OTOG: variants seen among roughly 807,000 people sequenced by gnomAD.
The protein encoded by OTOG is otogelin.
A neutral mutation model predicts 313.8 loss-of-function variants in OTOG; 296 were observed. The ratio of observed to expected loss-of-function variants is 0.94; its 90% CI spans 0.86 to 1.04. The LOEUF is 1.04. Among genes scored for constraint, OTOG ranks in the 50% least tolerant of loss-of-function variants. The pLI, the probability that OTOG is intolerant of heterozygous loss-of-function variation, is 0.00. For missense variants in OTOG, 3,948 were observed against 3,840.1 expected, an observed-to-expected ratio of 1.03 and a Z score of -0.74; for synonymous variants, 1,533 against 1,554.9, an observed-to-expected ratio of 0.99 and a Z score of 0.33.
Position 17,635,178 on chromosome 11 carries a change from T to C in OTOG, c.7684T>C (p.Tyr2562His). The part of the protein sequence containing the change: ...GRLGDSCCTS[Y>H]FCACGDCPDS... ...CCTGGGGGACTCCTGCTGCACCTCC[T>C]ACTTCTGCGGTGGGTCGCCGCCACC... The change falls in exon 46 of 56, where the codon TAC (tyrosine) becomes CAC (histidine). Residue 2562 changes from tyrosine to histidine, a missense_variant. Coordinates refer to ENST00000399397, the MANE Select transcript of OTOG (RefSeq NM_001292063.2). 6.5e-7 allele frequency: 1 copy of C among 1,544,364 alleles called. No homozygotes were observed. The highest frequency in any genetic ancestry group is 8.7e-7 in the Non-Finnish European group (1 of 1,146,398).
chr11:17,642,033 C>G lies in OTOG; in HGVS notation c.8295+82C>G, dbSNP rs1160243691. 7.2e-6 allele frequency: 11 copies of G among 1,523,688 alleles called. No homozygotes were observed. In the East Asian group the frequency reaches 2.7e-4, roughly 38 times the overall value. The allele number at this position is 1,523,688 out of a possible 1,614,324, so 94.4% of individuals were successfully genotyped here. ...CTAGGGCCCTCTCTGGCTTGCAGGC[C>G]AGGGCTGGGTACAAACAGGCTCCCA... On this transcript the variant is annotated intron_variant, in intron 52 of 55. Coordinates refer to ENST00000399397, the MANE Select transcript of OTOG (RefSeq NM_001292063.2).
intron 53 of OTOG, among the ~76,000 whole-genome samples, chr11:17,642,712 G>A (rs1039451980): frequency 3.3e-5 from 5 of 152,144 alleles, no homozygotes; most frequent in Admixed American, 2.0e-4. Flanking sequence ...CAGTATGGGC[G>A]CACCTCAGAG....
At position 17,613,718 on chromosome 11, in the gene OTOG, G is replaced by T. The variant is rs1478990075; in HGVS notation, c.6528+17G>T. The T allele has an allele frequency of 2.5e-5, 39 of 1,547,944 alleles. No individual in the cohort carries two copies. The highest frequency in any genetic ancestry group is 3.0e-5 in the Non-Finnish European group (34 of 1,144,722). On this transcript the variant is annotated intron_variant, in intron 39 of 55. Coordinates refer to ENST00000399397, the MANE Select transcript of OTOG (RefSeq NM_001292063.2). ...AACCGAAAGGTGAGTGCATCAAACA[G>T]CCAGCCTCCAGGGCAGGGCCACAGT...
intron 24 of OTOG, among the ~76,000 whole-genome samples, chr11:17,588,535 A>G (rs1049612828): frequency 2.6e-5 from 4 of 152,158 alleles, no homozygotes; most frequent in Admixed American, 1.3e-4. Flanking sequence ...GGATGGATAC[A>G]TAGGCTTAGG....
chr11:17,610,130 C>A lies in OTOG; in HGVS notation c.4830C>A (p.Ala1610=), dbSNP rs866278570. 3.9e-6 allele frequency: 6 copies of A among 1,550,500 alleles called. No homozygotes were observed. The highest frequency in any genetic ancestry group is 5.2e-6 in the Non-Finnish European group (6 of 1,146,976). The change falls in exon 36 of 56, where the codon GCC becomes GCA. Residue 1610 remains alanine, a synonymous_variant. Transcript: ENST00000399397. The part of the protein sequence containing the change: ...NITVSSRSPP[A]PRFPLMTKAV... ...CAGTCTCCTCCCGGTCGCCCCCTGC[C>A]CCTCGCTTCCCGCTCATGACCAAGG...
chr11:17,612,360 C>A (rs765071324), intron 37 of OTOG, 30 bp downstream of exon 37: 16 of 1,503,218 alleles, frequency 1.1e-5, no homozygotes, highest in South Asian at 2.6e-5. Flanking sequence ...GAGCCTCCTG[C>A]ATCCTCCCTG....
chr11:17,608,689 C>T (rs1853451222), intron 34 of OTOG, among the ~76,000 whole-genome samples: 1 of 152,082 alleles, frequency 6.6e-6, no homozygotes, highest in Admixed American at 6.6e-5. Flanking sequence ...GTGTTGTGTG[C>T]AGCTGTGTGC....
At position 17,634,995 on chromosome 11, in the gene OTOG, G is replaced by A. The variant is rs748788058; in HGVS notation, c.7585+47G>A. 194 of 1,534,194 alleles carry A rather than the reference G, an allele frequency of 1.3e-4. No homozygotes were observed. In the Middle Eastern group the frequency reaches 2.4e-3, roughly 19 times the overall value. ...GGGTGGGGGACGGACTGAGGGCAGT[G>A]GGGGGAGGACAGCTCTGGGGGCAGG... On this transcript the variant is annotated intron_variant, in intron 45 of 55. Coordinates refer to ENST00000399397, the MANE Select transcript of OTOG (RefSeq NM_001292063.2).
intron 23 of OTOG, among the ~76,000 whole-genome samples, chr11:17,582,588 A>G (rs1417999354): frequency 6.6e-6 from 1 of 152,232 alleles, no homozygotes; most frequent in African/African-American, 2.4e-5. Context: ...CACGTCCAGT[A>G]TATGAGAATC....
At chr11:17,577,772 T>C (rs1852565274) in intron 22 of OTOG, among the ~76,000 whole-genome samples, 1 of 152,218 alleles carries the variant, frequency 6.6e-6, no homozygotes, top group Non-Finnish European at 1.5e-5. Context: ...AGCCTGGGCA[T>C]GGAACTCAGC....
At chr11:17,554,523 C>T (rs769326839) in intron 6 of OTOG, among the ~76,000 whole-genome samples, 4 of 152,232 alleles carry the variant, frequency 2.6e-5, no homozygotes, top group Non-Finnish European at 5.9e-5. Context: ...CTTTGGAGAA[C>T]CAGCTCTGTT....
intron 53 of OTOG, 93 bp downstream of exon 53, chr11:17,642,339 A>T: frequency 7.0e-7 from 1 of 1,419,350 alleles, no homozygotes; most frequent in Non-Finnish European, 9.3e-7. Flanking sequence ...GGAGTGCAGG[A>T]AGAAGGGCTC....
At position 17,645,946 on chromosome 11, in the gene OTOG, G is replaced by A. The variant is rs753484883; in HGVS notation, c.*2G>A. 5.8e-6 allele frequency: 9 copies of A among 1,548,620 alleles called. No individual in the cohort carries two copies. The highest frequency in any genetic ancestry group is 1.7e-4 in the Middle Eastern group (1 of 5,992). ...GACTGTGCCTGCCAGTGGTCCTGAG[G>A]CCTGGGGGCCCGGGCTAGCTGGACC... On this transcript the variant is annotated 3_prime_UTR_variant, in exon 56 of 56. Coordinates refer to ENST00000399397, the MANE Select transcript of OTOG (RefSeq NM_001292063.2).
intron 52 of OTOG, 41 bp from the exon 53 acceptor site, chr11:17,642,086 A>C: frequency 6.6e-7 from 1 of 1,520,726 alleles, no homozygotes; most frequent in Non-Finnish European, 8.9e-7. Context: ...CAGGCTGTCC[A>C]TCTGGCCACA....
rs56402246 is a variant in OTOG at position 17,548,418 on chromosome 11, CTTTTTTTTTTTTTTTTTTTT to C, written c.216+225_216+244del. ...ATCTCTTGGGGGTCTATAGTCCACT[CTTTTTTTTTTTTTTTTTTTT>C]TTTTTTTTTTTTTTTTTTAGGAGAG... is the stretch of plus-strand genomic sequence containing the variant. On this transcript the variant is annotated intron_variant, in intron 3 of 55. Coordinates refer to ENST00000399397, the MANE Select transcript of OTOG (RefSeq NM_001292063.2). 0.49 allele frequency among the ~76,000 whole-genome samples: 42,845 copies of C among 87,476 alleles called. 9,103 individuals are homozygous for C. Among genetic ancestry groups the C allele is most frequent in the East Asian group, 0.66 (2,250 of 3,390 alleles). 57.4% of individuals were successfully genotyped at this position (87,476 alleles called of 152,430 possible).
intron 32 of OTOG, among the ~76,000 whole-genome samples, chr11:17,605,042 A>C (rs1218819384): frequency 6.6e-6 from 1 of 152,164 alleles, no homozygotes; most frequent in Non-Finnish European, 1.5e-5. Context: ...CGCTTCACAC[A>C]CACCTCGTTG....
Position 17,553,198 on chromosome 11 carries a change from G to T in OTOG, c.372G>T (p.Pro124=), listed in dbSNP as rs774492565. 9.0e-6 allele frequency: 14 copies of T among 1,550,470 alleles called. No individual in the cohort carries two copies. The highest frequency in any genetic ancestry group is 3.6e-5 in the South Asian group (3 of 84,062). The change falls in exon 5 of 56, where the codon CCG becomes CCT. Residue 124 remains proline, a synonymous_variant. Coordinates refer to ENST00000399397, the MANE Select transcript of OTOG (RefSeq NM_001292063.2). ...CDCRRFNATG[P]RCQMVYNAGP... is the part of the protein sequence containing the mutation. ...GCAGACGCTTCAATGCCACTGGACC[G>T]CGCTGCCAGATGGGTGGGTCTGGGC...
chr11:17,614,502 G>A (rs759285566), intron 39 of OTOG, among the ~76,000 whole-genome samples: 5 of 152,134 alleles, frequency 3.3e-5, no homozygotes, highest in African/African-American at 1.2e-4. Context: ...TCTACAAGTT[G>A]CAACAAGCAC....
In OTOG at chr11:17,570,345, TG is replaced by T; in HGVS notation, c.1913del (p.Gly638AlafsTer79). The T allele has an allele frequency of 1.3e-6, 2 of 1,550,598 alleles. No homozygotes were observed. On this transcript the variant is annotated frameshift_variant, in exon 17 of 56. Coordinates refer to ENST00000399397, the MANE Select transcript of OTOG (RefSeq NM_001292063.2). LOFTEE classifies it high-confidence loss of function. ...QVDQRWVEDT[V>X]GLCGTFNGNT... is the part of the protein sequence containing the mutation. ...GACCAGCGATGGGTGGAGGATACCG[TG>T]GGCCTCTGCGGCACCTTCAATGGCA...
Sources: allele counts gnomAD v4.1 joint callset (sites outside exome capture counted in the v4.1 genomes callset), GRCh38; gene constraint gnomAD v4.1.1; transcripts MANE v1.5; gene names NCBI Gene and HGNC (gene_info 2026-07-23, HGNC 2026-07-21).